PADI2: variants seen among roughly 807,000 people sequenced by gnomAD.
The protein encoded by PADI2 is peptidyl arginine deiminase 2.
PADI2 carries 70 observed loss-of-function variants against 81.1 expected under a neutral mutation model. That is an observed-to-expected ratio of 0.86 (90% CI 0.71 to 1.05). The LOEUF is 1.05. Among genes scored for constraint, PADI2 ranks in the 50% least tolerant of loss-of-function variants. The probability of loss-of-function intolerance (pLI) is 0.00; values close to 1 mark genes in which losing one functional copy is unlikely to be tolerated. For synonymous variants in PADI2, 338 were observed against 358.0 expected (o/e 0.94, Z 0.63); for missense variants, 853 against 889.9 (o/e 0.96, Z 0.53).
In PADI2 at chr1:17,089,741, C is replaced by G. The variant is rs1190740654; in HGVS notation, c.655+2667G>C. On this transcript the variant is annotated intron_variant, in intron 6 of 15. Transcript: ENST00000375486. ...TCCTCCATCCCTGGCTCGGTGCAAA[C>G]CCCACACTGAGCGTGGCCAGCTTTC... 7.2e-5 allele frequency among the ~76,000 whole-genome samples: 11 copies of G among 152,330 alleles called. 1 individual carries two copies. In the East Asian group the frequency reaches 2.1e-3, roughly 29 times the overall value.
Position 17,105,007 on chromosome 1 carries a change from C to T in PADI2, c.147G>A (p.Trp49Ter), listed in dbSNP as rs1230519047. 4 of 1,608,898 alleles carry T rather than the reference C, an allele frequency of 2.5e-6. No individual in the cohort carries two copies. The highest frequency in any genetic ancestry group is 1.1e-5 in the South Asian group (1 of 90,702). Residue 49 changes from tryptophan (W) to a stop codon, truncating the protein, a stop_gained, in exon 2 of 16, where the codon TGG (tryptophan) becomes TGA (stop). Transcript: ENST00000375486. LOFTEE classifies it high-confidence loss of function. ...CCTCCCCATCACGCACCACCTCCACCCACACGTGTTCCGAGTGCTTCAGGC... is the reference window on the plus strand; with the variant it reads ...CCTCCCCATCACGCACCACCTCCACTCACACGTGTTCCGAGTGCTTCAGGC... ...TFSLKHSEHVWVEVVRDGEAE... is the reference protein window; with the variant it reads ...TFSLKHSEHV
In PADI2 at chr1:17,066,862, G is replaced by C. The variant is rs1018143871; in HGVS notation, c.*2182C>G. The C allele has an allele frequency of 2.0e-5, 3 of 152,182 alleles. No homozygotes were observed. Among genetic ancestry groups the C allele is most frequent in the African/African-American group, 7.2e-5 (3 of 41,432 alleles). 9.4% of individuals were successfully genotyped at this position (152,182 alleles called of 1,614,324 possible). ...GGCTCTTTTCCAGAAATTTGAAACT[G>C]TGTTCTTCTTGCCATCTTCACGACA... On this transcript the variant is annotated 3_prime_UTR_variant, in exon 16 of 16. Coordinates refer to ENST00000375486, the MANE Select transcript of PADI2 (RefSeq NM_007365.3).
chr1:17,067,077 G>A lies in PADI2; in HGVS notation c.*1967C>T, dbSNP rs1172099001. On this transcript the variant is annotated 3_prime_UTR_variant, in exon 16 of 16. Transcript: ENST00000375486. ...GGGTGGGCAAGTGAGATGGGAACGG[G>A]TGTGTGAGTCCTGGGAACTTCAGAA... 1.3e-5 allele frequency: 2 copies of A among 151,982 alleles called. No individual in the cohort carries two copies. The highest frequency in any genetic ancestry group is 2.9e-5 in the Non-Finnish European group (2 of 68,034). The allele number at this position is 151,982 out of a possible 1,614,324, so 9.4% of individuals were successfully genotyped here.
intron 6 of PADI2, among the ~76,000 whole-genome samples, chr1:17,090,429 G>A (rs563056623): frequency 6.6e-6 from 1 of 152,338 alleles, no homozygotes; most frequent in South Asian, 2.1e-4. Context: ...CTCCAACCCA[G>A]CCCCCTGGCC....
chr1:17,103,121 G>T, intron 2 of PADI2, 62 bp from the exon 3 acceptor site: 1 of 1,284,624 alleles, frequency 7.8e-7, no homozygotes, highest in Non-Finnish European at 1.1e-6. Flanking sequence ...CAGATCACAA[G>T]CAGGAAAACC....
At chr1:17,100,968 T>C (rs1020054179) in intron 3 of PADI2, among the ~76,000 whole-genome samples, 2 of 152,088 alleles carry the variant, frequency 1.3e-5, no homozygotes, top group African/African-American at 2.4e-5. Context: ...CCACAAATTG[T>C]TTTATTGATG....
intron 10 of PADI2, among the ~76,000 whole-genome samples, chr1:17,080,184 G>A (rs897173342): frequency 1.3e-5 from 2 of 152,180 alleles, no homozygotes; most frequent in Admixed American, 1.3e-4. Context: ...TACCCTCTGC[G>A]CAGTAAGAGA....
At chr1:17,114,742 A>T (rs1453340549) in intron 1 of PADI2, among the ~76,000 whole-genome samples, 1 of 152,108 alleles carries the variant, frequency 6.6e-6, no homozygotes, top group Non-Finnish European at 1.5e-5. Flanking sequence ...GGAGGAGGTG[A>T]CATTGGAGCT....
intron 3 of PADI2, among the ~76,000 whole-genome samples, chr1:17,097,062 G>A (rs894402075): frequency 3.3e-5 from 5 of 152,130 alleles, no homozygotes; most frequent in African/African-American, 9.7e-5. Context: ...GGATGAGGTC[G>A]AGTAGGGATG....
Position 17,071,441 on chromosome 1 carries a change from TG to T in PADI2, c.1599del (p.Asn534ThrfsTer15). On this transcript the variant is annotated frameshift_variant, in exon 14 of 16. Transcript: ENST00000375486. LOFTEE classifies it high-confidence loss of function. The part of the protein sequence containing the change: ...SKRITINKIL[S>X]NESLVQENLY... ...AGGTTCTCCTGCACAAGGCTCTCGT[TG>T]GACAGAATCTTGTTGATGGTGATTC... The T allele has an allele frequency of 6.2e-7, 1 of 1,614,100 alleles. No individual in the cohort carries two copies. The highest frequency in any genetic ancestry group is 8.5e-7 in the Non-Finnish European group (1 of 1,179,940).
chr1:17,107,938 C>T (rs1031281296), intron 1 of PADI2, among the ~76,000 whole-genome samples: 26 of 151,776 alleles, frequency 1.7e-4, no homozygotes, highest in African/African-American at 5.3e-4. Flanking sequence ...GTCCCCTCTC[C>T]GCATCCATCA....
At chr1:17,117,482 C>T (rs779744989) in intron 1 of PADI2, among the ~76,000 whole-genome samples, 1 of 152,100 alleles carries the variant, frequency 6.6e-6, no homozygotes, top group Non-Finnish European at 1.5e-5. Flanking sequence ...GAGCGCACTG[C>T]CCCTCTCTGT....
intron 4 of PADI2, 66 bp downstream of exon 4, chr1:17,095,843 G>C (rs947928960): frequency 7.8e-7 from 1 of 1,275,132 alleles, no homozygotes; most frequent in Non-Finnish European, 1.1e-6. Flanking sequence ...AATTGCCTGC[G>C]GGATCTGGGG....
At chr1:17,114,479 G>C (rs940330184) in intron 1 of PADI2, among the ~76,000 whole-genome samples, 4 of 152,130 alleles carry the variant, frequency 2.6e-5, no homozygotes, top group Admixed American at 6.5e-5. Context: ...AGTTTCCCCA[G>C]CTGCGAAAAG....
rs138940135 is a variant in PADI2, at chr1:17,075,792, G to A, written c.1342C>T (p.Arg448Cys). 41 of 1,613,864 alleles carry A rather than the reference G, an allele frequency of 2.5e-5. No individual in the cohort carries two copies. Among genetic ancestry groups the A allele is most frequent in the Non-Finnish European group, 3.1e-5 (36 of 1,179,878 alleles). Residue 448 changes from arginine to cysteine, a missense_variant, in exon 12 of 16, where the codon CGT becomes TGT. Arg to Cys is a radical substitution (Grantham distance 180). Coordinates refer to ENST00000375486, the MANE Select transcript of PADI2 (RefSeq NM_007365.3). ...SGGRRMTKVV[R>C]DFLKAQQVQA... is the part of the protein sequence containing the mutation. ...ACCTGCTGGGCCTTCAGGAAGTCAC[G>A]CACCACCTTGGTCATCCTCCGACCA...
At chr1:17,070,634 C>T (rs1342724231) in intron 14 of PADI2, among the ~76,000 whole-genome samples, 2 of 152,150 alleles carry the variant, frequency 1.3e-5, no homozygotes, top group African/African-American at 4.8e-5. Context: ...TAAGCTCCAG[C>T]CCTGTAATAT....
In PADI2 at chr1:17,093,670, C is replaced by CAT; in HGVS notation, c.425_426insAT (p.Trp142Ter). The CAT allele has an allele frequency of 6.2e-7, 1 of 1,610,940 alleles. No individual in the cohort carries two copies. The highest frequency in any genetic ancestry group is 1.1e-5 in the South Asian group (1 of 90,948). The change falls in exon 5 of 16, where the codon TGG becomes TGATG. Residue 142 changes from tryptophan (W) to a stop codon, truncating the protein, a stop_gained and frameshift_variant. Coordinates refer to ENST00000375486, the MANE Select transcript of PADI2 (RefSeq NM_007365.3). LOFTEE classifies it high-confidence loss of function. ...KNNPKKASWT[W>*]GPEGQGAILL... is the part of the protein sequence containing the mutation. The stretch of plus-strand genomic sequence containing the variant: ...GGATGGCCCCCTGGCCCTCGGGGCC[C>CAT]CAGGTCCAGGATGCCTACAGTGGCA...
intron 2 of PADI2, among the ~76,000 whole-genome samples, chr1:17,104,259 C>T (rs1436963713): frequency 2.0e-5 from 3 of 150,170 alleles, no homozygotes; most frequent in South Asian, 2.1e-4. Context: ...CACTGCACTC[C>T]AGCCTGGGTG....
Position 17,082,619 on chromosome 1 carries a change from G to C in PADI2, c.1084C>G (p.His362Asp). ...TCCAGCACCACGGGGAAGCCTTTATGGGGGGCCTCGATGTAGCCAAACTCA... is the reference window on the plus strand; with the variant it reads ...TCCAGCACCACGGGGAAGCCTTTATCGGGGGCCTCGATGTAGCCAAACTCA... ...EIEFGYIEAP[H>D]KGFPVVLDSP... Residue 362 changes from histidine (H) to aspartate (D), a missense_variant, in exon 10 of 16, where the codon CAT (histidine) becomes GAT (aspartate). Physicochemically the swap from His to Asp is moderately conservative, Grantham distance 81. Transcript: ENST00000375486. The C allele has an allele frequency of 6.2e-7, 1 of 1,610,492 alleles. No homozygotes were observed. Among genetic ancestry groups the C allele is most frequent in the Non-Finnish European group, 8.5e-7 (1 of 1,178,458 alleles).
Sources: allele counts gnomAD v4.1 joint callset (sites outside exome capture counted in the v4.1 genomes callset), GRCh38; gene constraint gnomAD v4.1.1; transcripts MANE v1.5; gene names NCBI Gene and HGNC (gene_info 2026-07-23, HGNC 2026-07-21).